Variants in MEIOC observed in about 807,000 individuals in gnomAD.
The protein encoded by MEIOC is meiosis specific with coiled-coil domain, also known as meiosis-specific coiled-coil domain-containing protein MEIOC.
A neutral mutation model predicts 85.3 loss-of-function variants in MEIOC; 9 were observed. That is an observed-to-expected ratio of 0.11 (90% CI 0.06 to 0.18). MEIOC has a LOEUF of 0.18. Ranked by LOEUF, MEIOC falls within the 10% of genes least tolerant of loss-of-function variation. The pLI, the probability that MEIOC is intolerant of heterozygous loss-of-function variation, is 1.00. For missense variants in MEIOC, 898 were observed against 1,129.4 expected (o/e 0.80, Z 2.94); for synonymous variants, 365 against 393.7 (o/e 0.93, Z 0.86).
rs777484423 is a variant in MEIOC at position 44,667,790 on chromosome 17, G to A, written c.1879G>A (p.Asp627Asn). ...YDPEEGPKHL[D>N]GLSQNTYQDL... ...TCCTGAGGAAGGTCCAAAGCATTTA[G>A]ATGGCTTATCACAAAATACATACCA... Residue 627 changes from aspartate to asparagine, a missense_variant, in exon 5 of 8, where the codon GAT (aspartate) becomes AAT (asparagine). Physicochemically the swap from Asp to Asn is conservative, Grantham distance 23 (BLOSUM62 1). Around this residue, in one of 2 missense-constraint regions of MEIOC, gnomAD observed 734 missense variants for 860.1 expected, o/e 0.85. Transcript: ENST00000409122. 1 of 1,613,910 alleles carries A rather than the reference G, an allele frequency of 6.2e-7. No individual in the cohort carries two copies. The highest frequency in any genetic ancestry group is 8.5e-7 in the Non-Finnish European group (1 of 1,179,862).
rs913867875 is a variant in MEIOC, at chr17:44,674,480, A to G, written c.*284A>G. Reference sequence around the variant, plus strand: ...TTCCTAACAGCTAAAATGTGCTTAAACTCATTCTGCCATGCAGGTAAATGC... The same window carrying G: ...TTCCTAACAGCTAAAATGTGCTTAAGCTCATTCTGCCATGCAGGTAAATGC... On this transcript the variant is annotated 3_prime_UTR_variant, in exon 8 of 8. Coordinates refer to ENST00000409122, the MANE Select transcript of MEIOC (RefSeq NM_001145080.3). 8.9e-7 allele frequency: 1 copy of G among 1,117,890 alleles called. No homozygotes were observed. The highest frequency in any genetic ancestry group is 1.1e-6 in the Non-Finnish European group (1 of 912,572). 69.2% of individuals were successfully genotyped at this position (1,117,890 alleles called of 1,614,324 possible).
At chr17:44,669,268 CAG>C in intron 5 of MEIOC, 113 bp from the exon 6 acceptor site, 2 of 805,372 alleles carry the variant, frequency 2.5e-6, no homozygotes, top group South Asian at 4.0e-5. Flanking sequence ...GATACCAAAA[CAG>C]AATTTTCATT....
At chr17:44,671,925 A>G (rs959334797) in intron 6 of MEIOC, among the ~76,000 whole-genome samples, 2 of 148,552 alleles carry the variant, frequency 1.3e-5, no homozygotes, top group African/African-American at 5.0e-5. Flanking sequence ...AAAAAAAATT[A>G]CTATTTTCTA....
intron 2 of MEIOC, among the ~76,000 whole-genome samples, chr17:44,658,302 C>T (rs1971793690): frequency 6.6e-6 from 1 of 151,198 alleles, no homozygotes; most frequent in Non-Finnish European, 1.5e-5. Flanking sequence ...CTACAGGCAC[C>T]CGCCACCACG....
In MEIOC at chr17:44,673,691, A is replaced by C. The variant is rs1972039470; in HGVS notation, c.2638+145A>C. On this transcript the variant is annotated intron_variant, in intron 7 of 7. Transcript: ENST00000409122. ...TTGGTAAATAATCTCCACATTATTTACTCCAAAAGTATTTCCATTTTATTA... is the reference window on the plus strand; with the variant it reads ...TTGGTAAATAATCTCCACATTATTTCCTCCAAAAGTATTTCCATTTTATTA... The C allele has an allele frequency of 5.6e-5, 44 of 781,224 alleles. 1 individual carries two copies. The South Asian group carries it at 8.7e-4, about 15-fold the overall frequency. The allele number at this position is 781,224 out of a possible 1,614,324, so 48.4% of individuals were successfully genotyped here.
At position 44,674,807 on chromosome 17, in the gene MEIOC, C is replaced by T. The variant is rs189504691; in HGVS notation, c.*611C>T. 14 of 984,234 alleles carry T rather than the reference C, an allele frequency of 1.4e-5. No homozygotes were observed. The highest frequency in any genetic ancestry group is 5.2e-4 in the Middle Eastern group (1 of 1,914). The allele number at this position is 984,234 out of a possible 1,614,324, so 61.0% of individuals were successfully genotyped here. A position where few individuals can be genotyped will look rare whatever the true frequency, so the allele number is the denominator to read the frequency against. On this transcript the variant is annotated 3_prime_UTR_variant, in exon 8 of 8. Transcript: ENST00000409122. ...TATGGAGGGAAATGCATCTGATTCTCCTAAATTAATGATAAAAGTGTCAGT... is the reference window on the plus strand; with the variant it reads ...TATGGAGGGAAATGCATCTGATTCTTCTAAATTAATGATAAAAGTGTCAGT...
chr17:44,674,842 A>G lies in MEIOC; in HGVS notation c.*646A>G, dbSNP rs1972054647. The stretch of plus-strand genomic sequence containing the variant: ...TGATAAAAGTGTCAGTGTAAAAACC[A>G]TGCAAGTTACTGAATATAAAACCTA... On this transcript the variant is annotated 3_prime_UTR_variant, in exon 8 of 8. Transcript: ENST00000409122. The G allele has an allele frequency of 6.1e-6, 6 of 983,882 alleles. No homozygotes were observed. The highest frequency in any genetic ancestry group is 7.2e-6 in the Non-Finnish European group (6 of 828,450). The allele number at this position is 983,882 out of a possible 1,614,324, so 60.9% of individuals were successfully genotyped here. A position where few individuals can be genotyped will look rare whatever the true frequency, so the allele number is the denominator to read the frequency against.
intron 5 of MEIOC, 76 bp from the exon 6 acceptor site, chr17:44,669,307 G>T: frequency 8.3e-7 from 1 of 1,198,610 alleles, no homozygotes; most frequent in Admixed American, 2.5e-5. Context: ...TATTTATTAG[G>T]CTTACGAAAA....
chr17:44,657,573 G>A (rs1193216104), intron 2 of MEIOC, among the ~76,000 whole-genome samples: 1 of 151,548 alleles, frequency 6.6e-6, no homozygotes, highest in Non-Finnish European at 1.5e-5. Context: ...TTGTTTTTGA[G>A]ATGGAGTTTT....
At chr17:44,665,291 C>A (rs940874860) in intron 3 of MEIOC, 93 bp from the exon 4 acceptor site, 1 of 892,896 alleles carries the variant, frequency 1.1e-6, no homozygotes, top group Non-Finnish European at 1.5e-6. Context: ...TAGATTCAGT[C>A]CACATATTTT....
rs1971778582 is a variant in MEIOC at position 44,657,391 on chromosome 17, T to C, written c.204+130T>C. 5.3e-6 allele frequency: 5 copies of C among 946,348 alleles called. No individual in the cohort carries two copies. The East Asian group carries it at 8.3e-5, about 16-fold the overall frequency. The allele number at this position is 946,348 out of a possible 1,614,324, so 58.6% of individuals were successfully genotyped here. A position where few individuals can be genotyped will look rare whatever the true frequency, so the allele number is the denominator to read the frequency against. ...AACCAGGGAAAACTTTTTTTTTTTT[T>C]TTTTTTTTTTGAGACAGAGTCTTGC... On this transcript the variant is annotated intron_variant, in intron 2 of 7. Transcript: ENST00000409122.
intron 6 of MEIOC, among the ~76,000 whole-genome samples, chr17:44,671,999 G>C (rs1431387631): frequency 1.3e-5 from 2 of 151,834 alleles, no homozygotes; most frequent in Non-Finnish European, 1.5e-5. Flanking sequence ...AAAATCACCT[G>C]TGCAGACTTT....
intron 6 of MEIOC, among the ~76,000 whole-genome samples, chr17:44,671,629 G>A (rs187695224): frequency 1.3e-4 from 19 of 151,870 alleles, no homozygotes; most frequent in African/African-American, 1.7e-4. Context: ...CATTTTCGCC[G>A]GGCGTGGTGG....
At position 44,668,045 on chromosome 17, in the gene MEIOC, TATG is replaced by T; in HGVS notation, c.2139_2141del (p.Asp714del). The T allele has an allele frequency of 6.2e-7, 1 of 1,613,360 alleles. No individual in the cohort carries two copies. The highest frequency in any genetic ancestry group is 8.5e-7 in the Non-Finnish European group (1 of 1,179,502). On this transcript the variant is annotated inframe_deletion, in exon 5 of 8. Transcript: ENST00000409122. The stretch of plus-strand genomic sequence containing the variant: ...GTTGGATTCCTATGACTTACTTTCT[TATG>T]ATGACTTAAGCCATTTGTACCCTTA...
intron 3 of MEIOC, among the ~76,000 whole-genome samples, chr17:44,664,361 CAAAAAT>C (rs1293287796): frequency 1.3e-5 from 2 of 151,858 alleles, no homozygotes; most frequent in African/African-American, 4.8e-5. Flanking sequence ...GACTCCATCT[CAAAAAT>C]AAATAAATAA....
rs1972044895 is a variant in MEIOC, at chr17:44,674,122, T to C, written c.2785T>C (p.Cys929Arg). The C allele has an allele frequency of 6.4e-7, 1 of 1,551,536 alleles. No individual in the cohort carries two copies. Among genetic ancestry groups the C allele is most frequent in the African/African-American group, 1.4e-5 (1 of 73,016 alleles). Residue 929 changes from cysteine to arginine, a missense_variant, in exon 8 of 8, where the codon TGT (cysteine) becomes CGT (arginine). Transcript: ENST00000409122. The part of the protein sequence containing the change: ...VVKPLQDTVN[C>R]EDKVHESINS... ...AAAGCCTTTACAAGATACAGTAAACTGTGAAGATAAAGTCCATGAAAGCAT... is the reference window on the plus strand; with the variant it reads ...AAAGCCTTTACAAGATACAGTAAACCGTGAAGATAAAGTCCATGAAAGCAT...
At chr17:44,664,386 A>G (rs935298053) in intron 3 of MEIOC, among the ~76,000 whole-genome samples, 1 of 151,988 alleles carries the variant, frequency 6.6e-6, no homozygotes, top group African/African-American at 2.4e-5. Flanking sequence ...AAATAAATAA[A>G]CAAACAAACC....
At chr17:44,657,377 A>AATT in intron 2 of MEIOC, 116 bp downstream of exon 2, 2 of 836,692 alleles carry the variant, frequency 2.4e-6, no homozygotes, top group Non-Finnish European at 3.4e-6. Flanking sequence ...ACCAGGGAAA[A>AATT]CTTTTTTTTT....
At chr17:44,669,096 G>A (rs1045863562) in intron 5 of MEIOC, among the ~76,000 whole-genome samples, 5 of 152,006 alleles carry the variant, frequency 3.3e-5, no homozygotes, top group South Asian at 4.1e-4. Flanking sequence ...CCAGCTACGC[G>A]GGAGGCTGAG....
Sources: allele counts gnomAD v4.1 joint callset (sites outside exome capture counted in the v4.1 genomes callset), GRCh38; gene constraint gnomAD v4.1.1; regional missense constraint gnomAD v4.1.1; transcripts MANE v1.5; gene names NCBI Gene and HGNC (gene_info 2026-07-23, HGNC 2026-07-21).